Variants in ANO4 observed in about 807,000 individuals in gnomAD.
The protein encoded by ANO4 is anoctamin-4.
Under a neutral mutation model 141.9 loss-of-function variants are expected in ANO4, and 69 were observed. That is an observed-to-expected ratio of 0.49 (90% confidence interval 0.40 to 0.59). The LOEUF is 0.59. ANO4 is among the 20% of genes least tolerant of loss of function. The pLI, the probability that ANO4 is intolerant of heterozygous loss-of-function variation, is 0.00. For missense variants in ANO4, 894 were observed against 1,162.2 expected (o/e 0.77, Z 3.36); for synonymous variants, 350 against 394.3 (o/e 0.89, Z 1.33).
chr12:100,934,723 GC>G (rs1292777508), intron 3 of ANO4, among the ~76,000 whole-genome samples: 5 of 152,148 alleles, frequency 3.3e-5, no homozygotes, highest in African/African-American at 1.2e-4. Flanking sequence ...CTATCCATGA[GC>G]ATGGAATATT....
At position 100,919,718 on chromosome 12, in the gene ANO4, A is replaced by ATGTG. The variant is rs1235271763; in HGVS notation, c.56-2505_56-2504insGTGT. On this transcript the variant is annotated intron_variant, in intron 2 of 27. Coordinates refer to ENST00000392977, the MANE Select transcript of ANO4 (RefSeq NM_001286615.2). ...TGTGTGTGTGTGTATGTATGTATGTATGTATGTGTGTATGTATGTATCTAT... is the reference window on the plus strand; with the variant it reads ...TGTGTGTGTGTGTATGTATGTATGTATGTGTGTATGTGTGTATGTATGTATCTAT... Among the ~76,000 whole-genome samples, 597 of 123,128 alleles carry ATGTG rather than the reference A, an allele frequency of 4.8e-3. 5 individuals are homozygous for ATGTG. Among genetic ancestry groups the ATGTG allele is most frequent in the African/African-American group, 0.012 (429 of 34,446 alleles). 80.8% of individuals were successfully genotyped at this position (123,128 alleles called of 152,430 possible). A position where few individuals can be genotyped will look rare whatever the true frequency, so the allele number is the denominator to read the frequency against.
chr12:101,029,567 C>T (rs967442149), intron 9 of ANO4, among the ~76,000 whole-genome samples: 1 of 151,900 alleles, frequency 6.6e-6, no homozygotes, highest in Admixed American at 6.6e-5. Flanking sequence ...CAATGAAGAT[C>T]AAAAAAGACA....
intron 22 of ANO4, among the ~76,000 whole-genome samples, chr12:101,104,621 A>G (rs76710625): frequency 0.056 from 2,723 of 48,864 alleles, 145 homozygotes; most frequent in African/African-American, 0.24. Context: ...GTGTGTATGT[A>G]TGTGTGTATA....
chr12:101,091,023 A>G (rs1212431311), intron 17 of ANO4, among the ~76,000 whole-genome samples: 1 of 152,196 alleles, frequency 6.6e-6, no homozygotes, highest in African/African-American at 2.4e-5. Context: ...GGCATTTTAC[A>G]TCTTTTGTCT....
intron 2 of ANO4, among the ~76,000 whole-genome samples, chr12:100,738,952 C>T (rs1469884648): frequency 1.3e-5 from 2 of 150,464 alleles, no homozygotes; most frequent in Admixed American, 6.6e-5. Flanking sequence ...TTTTTACTTA[C>T]GTCTTCTGAT....
chr12:100,765,379 C>CTTTTTTTTT (rs71091461), intron 3 of ANO4, among the ~76,000 whole-genome samples: 5 of 125,396 alleles, frequency 4.0e-5, no homozygotes, highest in African/African-American at 6.2e-5. Context: ...TTCTTTCTTT[C>CTTTTTTTTT]TTTTTTTTTT....
chr12:100,801,232 A>T (rs2034669625), intron 1 of ANO4, among the ~76,000 whole-genome samples: 1 of 152,140 alleles, frequency 6.6e-6, no homozygotes, highest in Non-Finnish European at 1.5e-5. Context: ...GAACAAACAG[A>T]TGGGAATCAC....
At chr12:100,737,896 A>G (rs1490143225) in intron 2 of ANO4, among the ~76,000 whole-genome samples, 2 of 152,074 alleles carry the variant, frequency 1.3e-5, no homozygotes, top group Non-Finnish European at 2.9e-5. Context: ...GGAAAATAGC[A>G]TATGTGTGGA....
At chr12:100,984,956 C>T (rs1592927199) in intron 7 of ANO4, among the ~76,000 whole-genome samples, 1 of 151,884 alleles carries the variant, frequency 6.6e-6, no homozygotes, top group African/African-American at 2.4e-5. Flanking sequence ...CCATGCTGAG[C>T]ACTGTACCCA....
intron 3 of ANO4, among the ~76,000 whole-genome samples, chr12:100,785,594 TG>T (rs748362788): frequency 5.9e-5 from 9 of 152,240 alleles, no homozygotes; most frequent in Non-Finnish European, 5.9e-5. Flanking sequence ...ATTTTAGTGC[TG>T]AATAATATTC....
intron 5 of ANO4, among the ~76,000 whole-genome samples, chr12:100,963,109 A>C (rs1437205521): frequency 2.0e-5 from 3 of 152,164 alleles, no homozygotes; most frequent in South Asian, 4.1e-4. Flanking sequence ...TCCATTATAG[A>C]CATTGATGTG....
chr12:101,021,804 C>T (rs549422808), intron 9 of ANO4, among the ~76,000 whole-genome samples: 2 of 152,098 alleles, frequency 1.3e-5, no homozygotes, highest in South Asian at 4.2e-4. Context: ...TTTTCAAATG[C>T]TTATTTTATT....
chr12:101,043,675 A>T, intron 13 of ANO4, 40 bp downstream of exon 13: 1 of 1,436,270 alleles, frequency 7.0e-7, no homozygotes, highest in Non-Finnish European at 9.8e-7. Flanking sequence ...ATTGAATTTA[A>T]CATACACCTT....
chr12:100,910,133 G>A (rs1016008215), intron 2 of ANO4, among the ~76,000 whole-genome samples: 4 of 152,154 alleles, frequency 2.6e-5, no homozygotes, highest in African/African-American at 9.7e-5. Context: ...ATCCTACATA[G>A]CCTTGTTATG....
chr12:100,882,733 C>T (rs1014091831), intron 1 of ANO4, among the ~76,000 whole-genome samples: 1 of 152,042 alleles, frequency 6.6e-6, no homozygotes, highest in Non-Finnish European at 1.5e-5. Flanking sequence ...GAGTCTCTCT[C>T]TGTTCCCCAG....
upstream of ANO4, among the ~76,000 whole-genome samples, chr12:100,793,646 T>G (rs540398639): frequency 1.4e-4 from 21 of 152,234 alleles, no homozygotes; most frequent in Admixed American, 3.9e-4. Flanking sequence ...AAGGGAGTTA[T>G]CTTTTCTGCA....
At chr12:100,911,539 G>T (rs917275575) in intron 2 of ANO4, among the ~76,000 whole-genome samples, 2 of 152,198 alleles carry the variant, frequency 1.3e-5, no homozygotes, top group African/African-American at 4.8e-5. Context: ...CCACTTTGTA[G>T]CTTCTCTTTC....
intron 3 of ANO4, among the ~76,000 whole-genome samples, chr12:100,786,376 A>G (rs1157077613): frequency 6.6e-6 from 1 of 152,160 alleles, no homozygotes; most frequent in East Asian, 1.9e-4. Flanking sequence ...AATAATCCTC[A>G]AGCTGGTGTG....
rs2051403829 is a variant in ANO4, at chr12:101,128,160, C to G, written c.*304C>G. The G allele has an allele frequency of 1.3e-5, 2 of 152,576 alleles. No individual in the cohort carries two copies. The allele number at this position is 152,576 out of a possible 1,614,324, so 9.5% of individuals were successfully genotyped here. ...AATCAAGGGGAACTTGTATACTGGG[C>G]CTGTTTTTCAGCCTGTTTGCTACCT... On this transcript the variant is annotated 3_prime_UTR_variant, in exon 28 of 28. Transcript: ENST00000392977.
Sources: gnomAD v4.1 joint callset for allele counts (sites outside exome capture counted in the v4.1 genomes callset) on GRCh38, gnomAD v4.1.1 for gene constraint, MANE v1.5 for transcripts, NCBI Gene and HGNC (gene_info 2026-07-23, HGNC 2026-07-21) for gene names.